Variants in EXT1 observed in about 807,000 individuals in gnomAD.
The protein encoded by EXT1 is exostosin-1.
A neutral mutation model predicts 82.5 loss-of-function variants in EXT1; 20 were observed. That is an observed-to-expected ratio of 0.24 (90% confidence interval 0.17 to 0.35). The LOEUF (loss-of-function observed/expected upper bound fraction) is 0.35. Among genes scored for constraint, EXT1 ranks in the 10% least tolerant of loss-of-function variants. The probability of loss-of-function intolerance (pLI) is 1.00; values close to 1 mark genes in which losing one functional copy is unlikely to be tolerated. For synonymous variants in EXT1, 348 were observed against 350.8 expected, an observed-to-expected ratio of 0.99 and a Z score of 0.09; for missense variants, 757 against 936.5, an observed-to-expected ratio of 0.81 and a Z score of 2.50.
intron 1 of EXT1, among the ~76,000 whole-genome samples, chr8:118,103,304 GC>G (rs1817755720): frequency 6.6e-6 from 1 of 152,078 alleles, no homozygotes; most frequent in African/African-American, 2.4e-5. Flanking sequence ...GCACCACCAT[GC>G]CCAGCTAATT....
intron 1 of EXT1, among the ~76,000 whole-genome samples, chr8:117,991,463 G>A (rs926439869): frequency 3.3e-5 from 5 of 152,070 alleles, no homozygotes; most frequent in Non-Finnish European, 5.9e-5. Flanking sequence ...CCTGAATTAA[G>A]CCCTTAATAA....
intron 1 of EXT1, among the ~76,000 whole-genome samples, chr8:117,838,056 G>C (rs1812216321): frequency 6.6e-6 from 1 of 152,168 alleles, no homozygotes; most frequent in South Asian, 2.1e-4. Context: ...GTTTAGGACT[G>C]TCACTTTTAA....
intron 1 of EXT1, among the ~76,000 whole-genome samples, chr8:118,010,855 T>G (rs1815885264): frequency 6.6e-6 from 1 of 152,238 alleles, no homozygotes; most frequent in South Asian, 2.1e-4. Flanking sequence ...TAGAAGCCAC[T>G]TCCGTGGCAG....
At chr8:117,904,578 G>A (rs2129974710) in intron 1 of EXT1, among the ~76,000 whole-genome samples, 1 of 152,240 alleles carries the variant, frequency 6.6e-6, no homozygotes, top group African/African-American at 2.4e-5. Context: ...GCTAGGATGT[G>A]ACTTAATATA....
intron 1 of EXT1, among the ~76,000 whole-genome samples, chr8:118,108,492 A>G (rs919960097): frequency 6.6e-6 from 1 of 152,262 alleles, no homozygotes; most frequent in Non-Finnish European, 1.5e-5. Context: ...GCAGTTCATT[A>G]CTAACCATAG....
At chr8:118,095,844 T>C (rs1176825965) in intron 1 of EXT1, among the ~76,000 whole-genome samples, 1 of 152,236 alleles carries the variant, frequency 6.6e-6, no homozygotes, top group Admixed American at 6.5e-5. Flanking sequence ...CTATGCACCT[T>C]GAGTACTTCT....
At chr8:118,022,130 G>C (rs902704593) in intron 1 of EXT1, among the ~76,000 whole-genome samples, 2 of 151,838 alleles carry the variant, frequency 1.3e-5, no homozygotes, top group Non-Finnish European at 2.9e-5. Context: ...CAAAATTCCA[G>C]GTAAACCAAC....
chr8:118,080,132 A>C (rs1346494846), intron 1 of EXT1, among the ~76,000 whole-genome samples: 1 of 152,350 alleles, frequency 6.6e-6, no homozygotes, highest in African/African-American at 2.4e-5. Flanking sequence ...TGTTTGGTAG[A>C]GACCTCAGAC....
intron 1 of EXT1, among the ~76,000 whole-genome samples, chr8:117,910,644 T>C (rs1469081976): frequency 6.6e-6 from 1 of 152,178 alleles, no homozygotes; most frequent in Non-Finnish European, 1.5e-5. Context: ...AGAGAATCAA[T>C]TATATGTGAG....
At position 118,058,091 on chromosome 8, in the gene EXT1, T is replaced by C. The variant is rs945724866; in HGVS notation, c.962+51994A>G. On this transcript the variant is annotated intron_variant, in intron 1 of 10. Coordinates refer to ENST00000378204, the MANE Select transcript of EXT1 (RefSeq NM_000127.3). Reference sequence around the variant, plus strand: ...TCAGGAGTATATTCCCAAATGACAATGTATCTCCCAACACTTCCACATCAA... The same window carrying C: ...TCAGGAGTATATTCCCAAATGACAACGTATCTCCCAACACTTCCACATCAA... 5.9e-5 allele frequency among the ~76,000 whole-genome samples: 9 copies of C among 151,480 alleles called. No homozygotes were observed. In the South Asian group the frequency reaches 1.7e-3, roughly 28 times the overall value.
chr8:118,095,640 G>A (rs1817596937), intron 1 of EXT1, among the ~76,000 whole-genome samples: 1 of 152,172 alleles, frequency 6.6e-6, no homozygotes, highest in African/African-American at 2.4e-5. Context: ...CCCTCTGATT[G>A]AATTTTCAGA....
intron 1 of EXT1, among the ~76,000 whole-genome samples, chr8:118,052,075 T>TTA (rs1303387788): frequency 2.6e-5 from 4 of 152,220 alleles, no homozygotes; most frequent in Non-Finnish European, 5.9e-5. Flanking sequence ...CCCTTTTACG[T>TTA]TAAGGTCATC....
At chr8:117,937,558 A>C in intron 1 of EXT1, among the ~76,000 whole-genome samples, 1 of 152,230 alleles carries the variant, frequency 6.6e-6, no homozygotes, top group Admixed American at 6.5e-5. Flanking sequence ...CCAGCAAGAA[A>C]ATAAACTGGC....
At chr8:117,954,409 G>A (rs1168235818) in intron 1 of EXT1, among the ~76,000 whole-genome samples, 1 of 152,156 alleles carries the variant, frequency 6.6e-6, no homozygotes, top group Non-Finnish European at 1.5e-5. Flanking sequence ...GTCCATTTGT[G>A]ACCCAAACTG....
chr8:118,020,492 G>A (rs1816083194), intron 1 of EXT1, among the ~76,000 whole-genome samples: 1 of 152,160 alleles, frequency 6.6e-6, no homozygotes, highest in Admixed American at 6.5e-5. Context: ...TCAATGTTTA[G>A]TGCATTATCT....
At chr8:118,068,340 G>C (rs1817027673) in intron 1 of EXT1, among the ~76,000 whole-genome samples, 1 of 152,190 alleles carries the variant, frequency 6.6e-6, no homozygotes, top group African/African-American at 2.4e-5. Context: ...TTTGTTTTAG[G>C]TTCCAAGGTA....
Position 117,953,586 on chromosome 8 carries a change from G to A in EXT1, c.963-116385C>T, listed in dbSNP as rs188877875. ...TGACTCAATGTGCCAAACAACCAGCGCCAAATTACTGAGAGTGAATGATGC... is the reference window on the plus strand; with the variant it reads ...TGACTCAATGTGCCAAACAACCAGCACCAAATTACTGAGAGTGAATGATGC... On this transcript the variant is annotated intron_variant, in intron 1 of 10. Coordinates refer to ENST00000378204, the MANE Select transcript of EXT1 (RefSeq NM_000127.3). 3.9e-5 allele frequency among the ~76,000 whole-genome samples: 6 copies of A among 151,968 alleles called. No individual in the cohort carries two copies. In the East Asian group the frequency reaches 9.7e-4, roughly 24 times the overall value.
At chr8:117,799,932 G>C (rs1185393332) in intron 10 of EXT1, 35 bp from the exon 11 acceptor site, 1 of 1,607,164 alleles carries the variant, frequency 6.2e-7, no homozygotes, top group Non-Finnish European at 8.5e-7. Context: ...ATAATGATGA[G>C]AGAAGTGCAA....
intron 1 of EXT1, among the ~76,000 whole-genome samples, chr8:117,998,141 G>A (rs573434622): frequency 1.3e-5 from 2 of 151,332 alleles, no homozygotes; most frequent in Non-Finnish European, 1.5e-5. Flanking sequence ...AGCCTCCTGA[G>A]TAGCTGGGAT....
Sources: gnomAD v4.1 joint callset for allele counts (sites outside exome capture counted in the v4.1 genomes callset) on GRCh38, gnomAD v4.1.1 for gene constraint, MANE v1.5 for transcripts, NCBI Gene and HGNC (gene_info 2026-07-23, HGNC 2026-07-21) for gene names.